Variants in PHF21A observed in about 807,000 individuals in gnomAD.
PHF21A encodes the protein PHD finger protein 21A.
Under a neutral mutation model 82.5 loss-of-function variants are expected in PHF21A, and 11 were observed. The ratio of observed to expected loss-of-function variants is 0.13; its 90% CI spans 0.08 to 0.22. The LOEUF (loss-of-function observed/expected upper bound fraction) is 0.22. PHF21A is among the 10% of genes least tolerant of loss of function. The pLI is 1.00. For missense variants in PHF21A, 579 were observed against 837.8 expected (o/e 0.69, Z 3.81); for synonymous variants, 297 against 302.8 (o/e 0.98, Z 0.20).
Position 45,934,032 on chromosome 11 carries a change from G to A in PHF21A, c.1982C>T (p.Pro661Leu), listed in dbSNP as rs748610955. ...TPPANAATST[P>L]APSPSSQSCT... ...GCTCTGGGAGGAGGGGGAAGGGGCC[G>A]GCGTGGAGGTGGCGGCATTGGCAGG... The change falls in exon 19 of 19, where the codon CCG becomes CTG. Residue 661 changes from proline to leucine, a missense_variant. This residue lies in a region of PHF21A where 157 missense variants were observed against 149.4 expected (regional missense o/e 1.05). Transcript: ENST00000676320. The A allele has an allele frequency of 1.7e-5, 28 of 1,612,554 alleles. No homozygotes were observed. The East Asian group carries it at 4.2e-4, about 24-fold the overall frequency.
chr11:46,059,544 G>T (rs985444471), intron 6 of PHF21A, among the ~76,000 whole-genome samples: 3 of 152,068 alleles, frequency 2.0e-5, no homozygotes, highest in African/African-American at 4.8e-5. Flanking sequence ...TCCTGACTCA[G>T]CTTCCCAAGT....
intron 7 of PHF21A, among the ~76,000 whole-genome samples, chr11:45,972,202 G>A (rs546590734): frequency 1.3e-5 from 2 of 152,194 alleles, no homozygotes; most frequent in South Asian, 4.1e-4. Flanking sequence ...ACTGAGGTGA[G>A]AGGACTTGAC....
chr11:45,949,417 T>A lies in PHF21A; in HGVS notation c.1212A>T (p.Ala404=), dbSNP rs188111239. 1 of 1,614,144 alleles carries A rather than the reference T, an allele frequency of 6.2e-7. No homozygotes were observed. Among genetic ancestry groups the A allele is most frequent in the Non-Finnish European group, 8.5e-7 (1 of 1,179,916 alleles). ...RTTANPVYSG[A]VFEPERKKSA... ...CCAGTAATACCTCTGGCTCAAAGACTGCTCCACTGTAGACCGGATTTGCTG... is the reference window on the plus strand; with the variant it reads ...CCAGTAATACCTCTGGCTCAAAGACAGCTCCACTGTAGACCGGATTTGCTG... Residue 404 remains alanine, a synonymous_variant, in exon 13 of 19, where the codon GCA becomes GCT. Transcript: ENST00000676320.
At position 46,092,006 on chromosome 11, in the gene PHF21A, G is replaced by A. The variant is rs534000702; in HGVS notation, c.-196+177C>T. ...GCTGTATTAGCAGAAACACAAATGC[G>A]TTTGAAGTATAGCTACGTGAAATTA... is the stretch of plus-strand genomic sequence containing the variant. On this transcript the variant is annotated intron_variant, in intron 2 of 18. Transcript: ENST00000676320. Among the ~76,000 whole-genome samples, 19 of 151,748 alleles carry A rather than the reference G, an allele frequency of 1.3e-4. No homozygotes were observed. The South Asian group carries it at 3.7e-3, about 30-fold the overall frequency.
At chr11:45,945,052 C>T (rs755361616) in intron 15 of PHF21A, among the ~76,000 whole-genome samples, 4 of 152,238 alleles carry the variant, frequency 2.6e-5, no homozygotes, top group Admixed American at 6.5e-5. Flanking sequence ...CATAAGCCAC[C>T]ATGCCCGGCC....
chr11:45,953,092 C>G (rs1996573), intron 11 of PHF21A, among the ~76,000 whole-genome samples: 44,829 of 152,016 alleles, frequency 0.29, 7,416 homozygotes, highest in East Asian at 0.77. Context: ...ATGGTTGTAA[C>G]AAAAACGCAC....
intron 6 of PHF21A, among the ~76,000 whole-genome samples, chr11:46,038,185 G>A (rs2096056522): frequency 6.6e-6 from 1 of 151,370 alleles, no homozygotes; most frequent in African/African-American, 2.4e-5. Flanking sequence ...GGAGTGCAGT[G>A]GCACAATCTC....
chr11:46,120,614 G>C (rs1044131035), intron 1 of PHF21A: 20 of 152,182 alleles, frequency 1.3e-4, no homozygotes, highest in Admixed American at 1.2e-3. Flanking sequence ...TCGGGGGGGA[G>C]GTATGGGAAG....
intron 6 of PHF21A, among the ~76,000 whole-genome samples, chr11:46,028,577 T>C (rs2095800103): frequency 6.8e-6 from 1 of 147,214 alleles, no homozygotes. Context: ...TTGCCTTTTT[T>C]TTTTTTTTTT....
intron 6 of PHF21A, among the ~76,000 whole-genome samples, chr11:46,037,616 C>T (rs2096036786): frequency 7.0e-6 from 1 of 142,944 alleles, no homozygotes; most frequent in Non-Finnish European, 1.5e-5. Flanking sequence ...GCACTCCAGC[C>T]TGGACAAGAG....
chr11:45,990,048 G>A (rs1368555602), intron 6 of PHF21A, among the ~76,000 whole-genome samples: 1 of 151,832 alleles, frequency 6.6e-6, no homozygotes, highest in Non-Finnish European at 1.5e-5. Flanking sequence ...TAAGCCTGAA[G>A]AAAAACATTT....
intron 3 of PHF21A, among the ~76,000 whole-genome samples, chr11:46,088,330 C>G (rs1172660174): frequency 2.1e-4 from 32 of 151,972 alleles, no homozygotes. Context: ...CTTGCCTAGC[C>G]CAAAATATTA....
At chr11:46,023,891 G>A (rs1313929950) in intron 6 of PHF21A, among the ~76,000 whole-genome samples, 2 of 152,192 alleles carry the variant, frequency 1.3e-5, no homozygotes, top group African/African-American at 4.8e-5. Context: ...AGGAGGCGGA[G>A]GTTGCAGTGA....
intron 18 of PHF21A, 170 bp from the exon 19 acceptor site, chr11:45,934,395 A>C: frequency 1.6e-6 from 1 of 644,202 alleles, no homozygotes; most frequent in East Asian, 2.8e-5. Context: ...GCTACCACCT[A>C]AGGAACAGGG....
intron 1 of PHF21A, among the ~76,000 whole-genome samples, chr11:46,093,904 A>C (rs1046336555): frequency 6.6e-6 from 1 of 152,218 alleles, no homozygotes; most frequent in African/African-American, 2.4e-5. Flanking sequence ...ATTAGGAAGT[A>C]AAATATTACC....
intron 1 of PHF21A, among the ~76,000 whole-genome samples, chr11:46,108,955 G>T (rs2097181656): frequency 6.6e-6 from 1 of 152,116 alleles, no homozygotes; most frequent in African/African-American, 2.4e-5. Context: ...TGTCCCAAAT[G>T]TCTTCATTTC....
At chr11:46,086,331 G>A (rs2096857035) in intron 3 of PHF21A, among the ~76,000 whole-genome samples, 1 of 152,150 alleles carries the variant, frequency 6.6e-6, no homozygotes, top group South Asian at 2.1e-4. Flanking sequence ...GTGTTAGCCA[G>A]GATGGTCTTG....
chr11:45,992,323 G>C (rs1369579770), intron 6 of PHF21A, among the ~76,000 whole-genome samples: 1 of 151,242 alleles, frequency 6.6e-6, no homozygotes, highest in African/African-American at 2.4e-5. Flanking sequence ...ATGAGGTCAG[G>C]AGATCAAGAC....
At chr11:46,114,258 T>A (rs1437720272) in intron 1 of PHF21A, among the ~76,000 whole-genome samples, 1 of 152,216 alleles carries the variant, frequency 6.6e-6, no homozygotes, top group Admixed American at 6.5e-5. Context: ...GCTGATAAGT[T>A]TGAGCTAGAA....
Sources: allele counts gnomAD v4.1 joint callset (sites outside exome capture counted in the v4.1 genomes callset), GRCh38; gene constraint gnomAD v4.1.1; regional missense constraint gnomAD v4.1.1; transcripts MANE v1.5; gene names NCBI Gene and HGNC (gene_info 2026-07-23, HGNC 2026-07-21).